TMEM260: variants seen among roughly 807,000 people sequenced by gnomAD.
The protein encoded by TMEM260 is transmembrane protein 260.
In TMEM260, 82 loss-of-function variants were observed where a neutral mutation model predicts 88.9. The observed-to-expected ratio is 0.92, with a 90% CI of 0.77 to 1.11. The LOEUF (loss-of-function observed/expected upper bound fraction) is 1.11. Ranked by LOEUF, TMEM260 falls within the 50% of genes least tolerant of loss-of-function variation. The pLI, the probability that TMEM260 is intolerant of heterozygous loss-of-function variation, is 0.00. For synonymous variants in TMEM260, 314 were observed against 309.3 expected, an observed-to-expected ratio of 1.02 and a Z score of -0.16; for missense variants, 902 against 853.4, an observed-to-expected ratio of 1.06 and a Z score of -0.71.
In TMEM260 at chr14:56,648,602, A is replaced by C. The variant is rs768874066; in HGVS notation, c.*1105A>C. The C allele has an allele frequency of 6.5e-6, 1 of 152,676 alleles. No individual in the cohort carries two copies. Among genetic ancestry groups the C allele is most frequent in the African/African-American group, 2.4e-5 (1 of 41,458 alleles). The allele number at this position is 152,676 out of a possible 1,614,324, so 9.5% of individuals were successfully genotyped here. A position where few individuals can be genotyped will look rare whatever the true frequency, so the allele number is the denominator to read the frequency against. ...AAAGATCACTGGTGAGTCATTCAGC[A>C]AGAAAAGGCCCCTTACCAGGAATAG... On this transcript the variant is annotated 3_prime_UTR_variant, in exon 16 of 16. Transcript: ENST00000261556.
intron 2 of TMEM260, 70 bp downstream of exon 2, chr14:56,585,102 A>T: frequency 7.1e-7 from 1 of 1,399,748 alleles, no homozygotes; most frequent in Non-Finnish European, 1.0e-6. Flanking sequence ...AGTTTAATTA[A>T]GCATGGAGTA....
chr14:56,637,333 C>G (rs773741817), intron 15 of TMEM260, among the ~76,000 whole-genome samples: 47 of 152,116 alleles, frequency 3.1e-4, no homozygotes, highest in Non-Finnish European at 5.6e-4. Flanking sequence ...TGAGATTTCA[C>G]GAGAAGAGAT....
intron 15 of TMEM260, among the ~76,000 whole-genome samples, chr14:56,646,547 ACT>A (rs541222188): frequency 6.6e-6 from 1 of 152,052 alleles, no homozygotes; most frequent in Non-Finnish European, 1.5e-5. Flanking sequence ...AAAAAATTTA[ACT>A]CTATCCAATT....
At chr14:56,657,149 G>A in the TMEM260 span, among the ~76,000 whole-genome samples, 4 of 152,298 alleles carry the variant, frequency 2.6e-5, no homozygotes, top group East Asian at 7.7e-4. Context: ...GGCGCTTGGA[G>A]GACTGGCGTA....
chr14:56,634,777 G>A, intron 13 of TMEM260, 122 bp from the exon 14 acceptor site: 1 of 785,368 alleles, frequency 1.3e-6, no homozygotes, highest in East Asian at 2.6e-5. Flanking sequence ...AGGAGGTGGA[G>A]GTTGCAGTGA....
At position 56,604,390 on chromosome 14, in the gene TMEM260, G is replaced by T. The variant is rs2139554411; in HGVS notation, c.522+398G>T. On this transcript the variant is annotated intron_variant, in intron 4 of 15. Coordinates refer to ENST00000261556, the MANE Select transcript of TMEM260 (RefSeq NM_017799.4). Reference sequence around the variant, plus strand: ...TTAATTGCCAAAAAAGGTCAAATTTGTAATCTACTAACTAAAAGAAGAGTA... The same window carrying T: ...TTAATTGCCAAAAAAGGTCAAATTTTTAATCTACTAACTAAAAGAAGAGTA... Among the ~76,000 whole-genome samples, 2 of 152,200 alleles carry T rather than the reference G, an allele frequency of 1.3e-5. 1 individual carries two copies. Among genetic ancestry groups the T allele is most frequent in the South Asian group, 4.1e-4 (2 of 4,824 alleles).
intron 3 of TMEM260, among the ~76,000 whole-genome samples, chr14:56,595,730 C>T (rs1454393286): frequency 6.6e-6 from 1 of 152,150 alleles, no homozygotes. Context: ...ACAAGCGATC[C>T]TCTGCCTCAG....
chr14:56,595,870 T>G (rs1161946747), intron 3 of TMEM260, among the ~76,000 whole-genome samples: 1 of 152,156 alleles, frequency 6.6e-6, no homozygotes, highest in Non-Finnish European at 1.5e-5. Flanking sequence ...AAAAATAAAT[T>G]ATTACTTCTA....
chr14:56,662,765 T>A, the TMEM260 span, among the ~76,000 whole-genome samples: 2 of 152,210 alleles, frequency 1.3e-5, no homozygotes, highest in African/African-American at 4.8e-5. Flanking sequence ...TCCAGAACCC[T>A]CAGTGCAAGG....
chr14:56,629,945 G>A (rs1408694827), intron 12 of TMEM260, among the ~76,000 whole-genome samples: 1 of 152,062 alleles, frequency 6.6e-6, no homozygotes, highest in Non-Finnish European at 1.5e-5. Flanking sequence ...GGCAGCTGAG[G>A]TGGGAAGATT....
chr14:56,620,164 G>T (rs962229560), intron 10 of TMEM260, among the ~76,000 whole-genome samples: 8 of 152,060 alleles, frequency 5.3e-5, no homozygotes, highest in Non-Finnish European at 1.0e-4. Flanking sequence ...GGAGGGAGAG[G>T]ATCAGAAAAA....
intron 3 of TMEM260, among the ~76,000 whole-genome samples, chr14:56,601,674 A>G (rs1886583434): frequency 6.6e-6 from 1 of 152,152 alleles, no homozygotes. Context: ...GTGACTTTCT[A>G]TGGAAAGGCC....
chr14:56,644,107 A>G (rs1655432067), intron 15 of TMEM260, among the ~76,000 whole-genome samples: 1 of 152,216 alleles, frequency 6.6e-6, no homozygotes, highest in African/African-American at 2.4e-5. Context: ...ATTCAATGCC[A>G]TCCCCATCAA....
chr14:56,585,773 C>G lies in TMEM260; in HGVS notation c.205C>G (p.Pro69Ala), dbSNP rs771901254. Residue 69 changes from proline (P) to alanine (A), a missense_variant, in exon 3 of 16, where the codon CCT (proline) becomes GCT (alanine). Physicochemically the swap from Pro to Ala is conservative, Grantham distance 27. Coordinates refer to ENST00000261556, the MANE Select transcript of TMEM260 (RefSeq NM_017799.4). ...AAHELGVAHP[P>A]GYPLFTLVAK... ...AATTTTTCCGTAGGTTGCCCATCCT[C>G]CTGGCTATCCTTTGTTCACGCTGGT... 8 of 1,611,656 alleles carry G rather than the reference C, an allele frequency of 5.0e-6. No individual in the cohort carries two copies. The African/African-American group carries it at 1.1e-4, about 22-fold the overall frequency.
intron 7 of TMEM260, chr14:56,612,981 TC>T (rs1185086514): frequency 2.0e-5 from 3 of 152,186 alleles, no homozygotes; most frequent in Non-Finnish European, 4.4e-5. Flanking sequence ...CTTTAGGCTA[TC>T]CTTGCCGTAA....
At chr14:56,597,818 CAG>C (rs142152669) in intron 3 of TMEM260, among the ~76,000 whole-genome samples, 26 of 150,086 alleles carry the variant, frequency 1.7e-4, no homozygotes, top group Admixed American at 3.3e-4. Context: ...TTATTTTCAA[CAG>C]AGAGAGAGAG....
chr14:56,637,178 A>G (rs1284202541), intron 15 of TMEM260, among the ~76,000 whole-genome samples: 3 of 152,206 alleles, frequency 2.0e-5, no homozygotes, highest in African/African-American at 7.2e-5. Context: ...CAGAAGTGTG[A>G]GATAATAAAT....
intron 7 of TMEM260, chr14:56,612,554 C>G (rs961402539): frequency 2.3e-6 from 1 of 432,738 alleles, no homozygotes; most frequent in Non-Finnish European, 4.1e-6. Flanking sequence ...TATTTACATC[C>G]TCTTGTATAC....
Position 56,636,524 on chromosome 14 carries a change from TTCATCTTTAACCTGGCAGA to T in TMEM260, c.1796_1814del (p.Phe599Ter). On this transcript the variant is annotated frameshift_variant, in exon 15 of 16. Coordinates refer to ENST00000261556, the MANE Select transcript of TMEM260 (RefSeq NM_017799.4). LOFTEE classifies it high-confidence loss of function. ...CACCCCCAGGATGAAAACACCGTTC[TTCATCTTTAACCTGGCAGA>T]AACTGCTCACATGCCTTCAAAAGTG... 1 of 1,614,044 alleles carries T rather than the reference TTCATCTTTAACCTGGCAGA, an allele frequency of 6.2e-7. No homozygotes were observed. The highest frequency in any genetic ancestry group is 8.5e-7 in the Non-Finnish European group (1 of 1,179,968).
Sources: gnomAD v4.1 joint callset for allele counts (sites outside exome capture counted in the v4.1 genomes callset) on GRCh38, gnomAD v4.1.1 for gene constraint, MANE v1.5 for transcripts, NCBI Gene and HGNC (gene_info 2026-07-23, HGNC 2026-07-21) for gene names.